The following ATP2B2 variants were observed in gnomAD, a reference collection of about 807,000 sequenced individuals.
ATP2B2 encodes the protein plasma membrane calcium-transporting ATPase 2.
ATP2B2 carries 15 observed loss-of-function variants against 120.0 expected under a neutral mutation model. The observed-to-expected ratio is 0.12, with a 90% confidence interval of 0.08 to 0.19. The LOEUF is 0.19. Ranked by LOEUF, ATP2B2 falls within the 10% of genes least tolerant of loss-of-function variation. The probability of loss-of-function intolerance (pLI) is 1.00; values close to 1 mark genes in which losing one functional copy is unlikely to be tolerated. For synonymous variants in ATP2B2, 694 were observed against 700.3 expected (o/e 0.99, Z 0.14); for missense variants, 1,045 against 1,719.8 (o/e 0.61, Z 6.94).
At chr3:10,646,217 A>G (rs2125658416) in intron 1 of ATP2B2, among the ~76,000 whole-genome samples, 1 of 152,336 alleles carries the variant, frequency 6.6e-6, no homozygotes, top group East Asian at 1.9e-4. Context: ...GTTTCTGCAA[A>G]TCAGAGTGGT....
intron 22 of ATP2B2, among the ~76,000 whole-genome samples, chr3:10,331,144 A>G (rs1177021258): frequency 6.6e-6 from 1 of 152,230 alleles, no homozygotes; most frequent in Non-Finnish European, 1.5e-5. Flanking sequence ...AGAGCCAGCC[A>G]GACACGGCCT....
rs530592918 is a variant in ATP2B2 at position 10,333,035 on chromosome 3, T to C, written c.3421-3910A>G. The stretch of plus-strand genomic sequence containing the variant: ...ATGTGCCTTGTGACTGCGGTCAGGC[T>C]TACCATGTGCGTCTGTCTGCTGAGG... On this transcript the variant is annotated intron_variant, in intron 22 of 22. Coordinates refer to ENST00000360273, the MANE Select transcript of ATP2B2 (RefSeq NM_001001331.4). 1.3e-4 allele frequency among the ~76,000 whole-genome samples: 20 copies of C among 152,320 alleles called. 1 individual carries two copies. The East Asian group carries it at 3.5e-3, about 26-fold the overall frequency.
intron 1 of ATP2B2, among the ~76,000 whole-genome samples, chr3:10,665,118 G>C (rs2070893759): frequency 6.6e-6 from 1 of 152,170 alleles, no homozygotes; most frequent in African/African-American, 2.4e-5. Flanking sequence ...ATTGATCCAT[G>C]TCACTGCATA....
At chr3:10,673,515 A>G (rs2071166715) in intron 1 of ATP2B2, among the ~76,000 whole-genome samples, 1 of 151,964 alleles carries the variant, frequency 6.6e-6, no homozygotes. Flanking sequence ...AGAGAGAGAG[A>G]GAGGCCAGGC....
At chr3:10,510,816 T>G (rs1474863398) in intron 3 of ATP2B2, among the ~76,000 whole-genome samples, 1 of 152,170 alleles carries the variant, frequency 6.6e-6, no homozygotes, top group Non-Finnish European at 1.5e-5. Flanking sequence ...GCGCTGCCCC[T>G]CAGAGCTAAT....
At chr3:10,660,680 C>A (rs1482846208) in intron 1 of ATP2B2, among the ~76,000 whole-genome samples, 1 of 152,190 alleles carries the variant, frequency 6.6e-6, no homozygotes, top group African/African-American at 2.4e-5. Context: ...CAAGGAGGAG[C>A]TGGTACTATT....
At chr3:10,396,871 G>A (rs1003780) in intron 5 of ATP2B2, among the ~76,000 whole-genome samples, 10,271 of 152,020 alleles carry the variant, frequency 0.068, 479 homozygotes, top group Non-Finnish European at 0.09. Context: ...GCTTGTTGGG[G>A]GTCCCTGGCT....
In ATP2B2 at chr3:10,595,446, A is replaced by C. The variant is rs187795539; in HGVS notation, c.-415+24471T>G. 4.7e-4 allele frequency among the ~76,000 whole-genome samples: 72 copies of C among 152,372 alleles called. 2 individuals are homozygous for C. The East Asian group carries it at 0.013, about 27-fold the overall frequency. On this transcript the variant is annotated intron_variant, in intron 2 of 21. Coordinates refer to the ATP2B2 transcript ENST00000646379. ...CAGCTCCATCCCACCAGTTTATAAAATAATTATTTGTGGCATTATCATTTT... is the reference window on the plus strand; with the variant it reads ...CAGCTCCATCCCACCAGTTTATAAACTAATTATTTGTGGCATTATCATTTT...
chr3:10,658,506 C>G (rs1017933207), intron 1 of ATP2B2, among the ~76,000 whole-genome samples: 12 of 151,988 alleles, frequency 7.9e-5, no homozygotes, highest in Non-Finnish European at 1.5e-4. Flanking sequence ...GATTGAAGAT[C>G]AAATGAATGA....
At chr3:10,381,831 G>A (rs2061538708) in intron 8 of ATP2B2, among the ~76,000 whole-genome samples, 1 of 152,162 alleles carries the variant, frequency 6.6e-6, no homozygotes, top group Non-Finnish European at 1.5e-5. Flanking sequence ...GCATCACAAA[G>A]GGCATGGGTG....
intron 2 of ATP2B2, among the ~76,000 whole-genome samples, chr3:10,438,223 T>A (rs1321052726): frequency 1.3e-5 from 2 of 152,150 alleles, no homozygotes; most frequent in Non-Finnish European, 2.9e-5. Context: ...GTCTCATGGG[T>A]CCATGAGTCT....
intron 2 of ATP2B2, among the ~76,000 whole-genome samples, chr3:10,609,438 G>A (rs867676299): frequency 2.0e-5 from 3 of 152,246 alleles, no homozygotes; most frequent in South Asian, 2.1e-4. Flanking sequence ...AAGCCTCCTC[G>A]GCGCGCCTGG....
At chr3:10,528,875 G>C (rs2067153221) in intron 3 of ATP2B2, among the ~76,000 whole-genome samples, 1 of 152,192 alleles carries the variant, frequency 6.6e-6, no homozygotes, top group Admixed American at 6.5e-5. Context: ...GTCAGTGTGT[G>C]AATATGGATT....
rs1209842839 is a variant in ATP2B2 at position 10,402,254 on chromosome 3, C to G, written c.492G>C (p.Val164=). The G allele has an allele frequency of 6.2e-7, 1 of 1,614,062 alleles. No homozygotes were observed. Among genetic ancestry groups the G allele is most frequent in the African/African-American group, 1.3e-5 (1 of 74,926 alleles). The change falls in exon 4 of 23, where the codon GTG becomes GTC. Residue 164 remains valine (V), a synonymous_variant. Transcript: ENST00000360273. This position sits in a 1 kb window ranked among gnomAD's most constrained non-coding sequence, Gnocchi z 4.9. ...AGTCATTGAAGGCCGTGACCAGGAC[C>G]ACACAGATAACTGAGAGGAGAATGG... ...GAAILLSVIC[V]VLVTAFNDWS...
chr3:10,557,875 T>C (rs930485328), intron 2 of ATP2B2, among the ~76,000 whole-genome samples: 2 of 152,008 alleles, frequency 1.3e-5, no homozygotes, highest in African/African-American at 4.8e-5. Context: ...ACCAAGCTTA[T>C]AGGGGAGGAG....
chr3:10,492,425 A>C (rs2065969158), intron 1 of ATP2B2, among the ~76,000 whole-genome samples: 1 of 152,148 alleles, frequency 6.6e-6, no homozygotes, highest in Non-Finnish European at 1.5e-5. Flanking sequence ...CAAAGCCGAA[A>C]TTTCCAAAGA....
At chr3:10,646,996 G>T (rs567726454) in intron 1 of ATP2B2, among the ~76,000 whole-genome samples, 2 of 152,324 alleles carry the variant, frequency 1.3e-5, no homozygotes, top group African/African-American at 4.8e-5. Context: ...TTAATTGCCA[G>T]GTGAATGATG....
intron 8 of ATP2B2, among the ~76,000 whole-genome samples, chr3:10,381,632 C>G (rs570269660): frequency 1.2e-3 from 187 of 152,342 alleles, no homozygotes; most frequent in African/African-American, 4.3e-3. Context: ...CCTGGCCAAA[C>G]TGGTGCTCGC....
chr3:10,593,402 C>T (rs1033857334), intron 2 of ATP2B2, among the ~76,000 whole-genome samples: 3 of 152,120 alleles, frequency 2.0e-5, no homozygotes, highest in African/African-American at 7.2e-5. Context: ...CTCTCATTAC[C>T]AATACCCCGG....
Sources: gnomAD v4.1 joint callset for allele counts (sites outside exome capture counted in the v4.1 genomes callset) on GRCh38, gnomAD v4.1.1 for gene constraint, Gnocchi (gnomAD v3.1) non-coding constraint, MANE v1.5 for transcripts, NCBI Gene and HGNC (gene_info 2026-07-23, HGNC 2026-07-21) for gene names.